The following PCDH15 variants were observed in gnomAD, a reference collection of about 807,000 sequenced individuals.
PCDH15 encodes the protein protocadherin related 15.
A neutral mutation model predicts 178.5 loss-of-function variants in PCDH15; 129 were observed. That is an observed-to-expected ratio of 0.72 (90% CI 0.63 to 0.84). The LOEUF (loss-of-function observed/expected upper bound fraction) is 0.84, where lower values mean the gene tolerates loss of function less well. PCDH15 is among the 40% of genes least tolerant of loss of function. The pLI, the probability that PCDH15 is intolerant of heterozygous loss-of-function variation, is 0.00. For synonymous variants in PCDH15, 800 were observed against 732.0 expected (o/e 1.09, Z -1.50); for missense variants, 2,230 against 2,099.9 (o/e 1.06, Z -1.21).
At chr10:53,823,008 A>G (rs746453819) in intron 32 of PCDH15, 2 of 1,613,990 alleles carry the variant, frequency 1.2e-6, no homozygotes, top group South Asian at 2.2e-5. Context: ...CTGACTCCAC[A>G]GCCTCTGAAT....
intron 1 of PCDH15, among the ~76,000 whole-genome samples, chr10:55,318,180 T>C (rs1843779078): frequency 6.6e-6 from 1 of 151,778 alleles, no homozygotes; most frequent in African/African-American, 2.4e-5. Context: ...ATATGAAAAA[T>C]TTAACCCTCG....
upstream of PCDH15, among the ~76,000 whole-genome samples, chr10:54,803,964 T>C (rs1210479814): frequency 1.3e-5 from 2 of 152,192 alleles, no homozygotes; most frequent in African/African-American, 4.8e-5. Context: ...ATTTTAAGGA[T>C]AGTTATATAG....
At chr10:53,808,505 T>C (rs989127010) in intron 37 of PCDH15, 1 of 1,415,198 alleles carries the variant, frequency 7.1e-7, no homozygotes, top group African/African-American at 1.4e-5. Context: ...TTTACTCTAA[T>C]ACAGTCTAAT....
At chr10:54,679,481 T>C (rs898429521) in intron 1 of PCDH15, among the ~76,000 whole-genome samples, 1 of 152,208 alleles carries the variant, frequency 6.6e-6, no homozygotes, top group African/African-American at 2.4e-5. Context: ...CTAATTTTAA[T>C]ACTCTCAGTT....
chr10:54,147,401 G>A (rs12248588), intron 14 of PCDH15, among the ~76,000 whole-genome samples: 2,938 of 151,820 alleles, frequency 0.019, 79 homozygotes, highest in African/African-American at 0.055. Context: ...GTTTTCTGGC[G>A]TGGAATACAA....
chr10:55,419,717 C>G (rs1180934042), intron 2 of PCDH15, among the ~76,000 whole-genome samples: 1 of 151,686 alleles, frequency 6.6e-6, no homozygotes, highest in East Asian at 1.9e-4. Context: ...ACTACTATAG[C>G]ACATACCCAT....
intron 23 of PCDH15, among the ~76,000 whole-genome samples, chr10:53,949,725 A>G (rs1365574704): frequency 6.7e-6 from 1 of 148,698 alleles, no homozygotes; most frequent in Non-Finnish European, 1.5e-5. Flanking sequence ...TCTTGTCTCT[A>G]AAAAGAAAAA....
intron 2 of PCDH15, among the ~76,000 whole-genome samples, chr10:54,651,253 GA>G (rs1350875052): frequency 6.6e-6 from 1 of 152,048 alleles, no homozygotes; most frequent in Admixed American, 6.6e-5. Flanking sequence ...TCCAATAATG[GA>G]AAAGAATACA....
At chr10:54,659,518 T>A (rs2135364316) in intron 2 of PCDH15, among the ~76,000 whole-genome samples, 1 of 152,140 alleles carries the variant, frequency 6.6e-6, no homozygotes, top group Non-Finnish European at 1.5e-5. Context: ...TTTGGGAGGC[T>A]GAGGTGGGTG....
At chr10:54,216,060 A>AAG (rs2052021413) in intron 9 of PCDH15, among the ~76,000 whole-genome samples, 1 of 150,580 alleles carries the variant, frequency 6.6e-6, no homozygotes, top group Non-Finnish European at 1.5e-5. Flanking sequence ...AAAAAAAAAA[A>AAG]AAAAAAAAGA....
At chr10:54,633,433 T>A (rs994493890) in intron 2 of PCDH15, among the ~76,000 whole-genome samples, 3 of 152,064 alleles carry the variant, frequency 2.0e-5, no homozygotes, top group Non-Finnish European at 4.4e-5. Context: ...AGAGTTTGCT[T>A]TGTAAAGAAT....
upstream of PCDH15, among the ~76,000 whole-genome samples, chr10:55,320,972 T>C (rs1843883599): frequency 2.0e-5 from 3 of 152,046 alleles, no homozygotes; most frequent in South Asian, 6.2e-4. Flanking sequence ...AGAATATGGA[T>C]ATTCAATAAG....
At chr10:54,012,801 C>T (rs939447230) in intron 20 of PCDH15, among the ~76,000 whole-genome samples, 11 of 151,856 alleles carry the variant, frequency 7.2e-5, no homozygotes, top group Non-Finnish European at 1.5e-4. Context: ...AGGAGTGCTA[C>T]ATGTGAACAG....
At chr10:54,492,994 GA>G (rs895999439) in intron 3 of PCDH15, among the ~76,000 whole-genome samples, 2 of 152,140 alleles carry the variant, frequency 1.3e-5, no homozygotes, top group African/African-American at 4.8e-5. Flanking sequence ...GGCAAAGAGA[GA>G]GAATTTGTGC....
chr10:55,310,710 T>A (rs1443623135), intron 1 of PCDH15, among the ~76,000 whole-genome samples: 2 of 152,194 alleles, frequency 1.3e-5, no homozygotes, highest in Non-Finnish European at 2.9e-5. Context: ...AATGAGTTCA[T>A]CATATCCTTT....
At chr10:54,246,211 A>G (rs2055907426) in intron 8 of PCDH15, among the ~76,000 whole-genome samples, 1 of 151,932 alleles carries the variant, frequency 6.6e-6, no homozygotes, top group African/African-American at 2.4e-5. Flanking sequence ...TCATTAGATC[A>G]CAGTCTGACA....
chr10:54,086,856 T>C (rs1031163943), intron 16 of PCDH15, among the ~76,000 whole-genome samples: 1 of 152,212 alleles, frequency 6.6e-6, no homozygotes, highest in Non-Finnish European at 1.5e-5. Context: ...ATGGTCAATT[T>C]AGACTAAAAG....
intron 3 of PCDH15, among the ~76,000 whole-genome samples, chr10:54,854,439 G>C (rs529983088): frequency 6.6e-6 from 1 of 152,296 alleles, no homozygotes; most frequent in South Asian, 2.1e-4. Context: ...CAGGAAGAAT[G>C]AGGTACATAG....
intron 2 of PCDH15, among the ~76,000 whole-genome samples, chr10:55,020,026 A>C (rs1840283318): frequency 6.6e-6 from 1 of 151,434 alleles, no homozygotes; most frequent in Non-Finnish European, 1.5e-5. Flanking sequence ...TTCTCAGCAG[A>C]GTAAGTGATA....
Sources: allele counts gnomAD v4.1 joint callset (sites outside exome capture counted in the v4.1 genomes callset), GRCh38; gene constraint gnomAD v4.1.1; transcripts MANE v1.5; gene names NCBI Gene and HGNC (gene_info 2026-07-23, HGNC 2026-07-21).